CDKAL1: variants seen among roughly 807,000 people sequenced by gnomAD.
CDKAL1 encodes threonylcarbamoyladenosine tRNA methylthiotransferase.
CDKAL1 carries 32 observed loss-of-function variants against 68.2 expected under a neutral mutation model. The observed-to-expected ratio is 0.47, with a 90% CI of 0.35 to 0.63. The LOEUF is 0.63. CDKAL1 is among the 30% of genes least tolerant of loss of function. CDKAL1 has a pLI of 0.00. For synonymous variants in CDKAL1, 234 were observed against 244.3 expected, an observed-to-expected ratio of 0.96 and a Z score of 0.39; for missense variants, 606 against 696.7, an observed-to-expected ratio of 0.87 and a Z score of 1.47.
intron 9 of CDKAL1, among the ~76,000 whole-genome samples, chr6:20,883,324 TAG>T (rs968304699): frequency 1.3e-4 from 20 of 152,206 alleles, no homozygotes; most frequent in African/African-American, 4.6e-4. Context: ...CAAGTGTAAC[TAG>T]TTCCAGGCAG....
chr6:21,088,849 G>A (rs1459513728), intron 12 of CDKAL1, among the ~76,000 whole-genome samples: 1 of 152,144 alleles, frequency 6.6e-6, no homozygotes, highest in Non-Finnish European at 1.5e-5. Context: ...GCCTGAGGTG[G>A]GAGAAGCACT....
chr6:21,070,399 C>CTTTTTT (rs57391327), intron 12 of CDKAL1, among the ~76,000 whole-genome samples: 22,632 of 139,060 alleles, frequency 0.16, 2,232 homozygotes, highest in East Asian at 0.33. Context: ...TTGTTTCTCT[C>CTTTTTT]TTTTTTTTTT....
intron 8 of CDKAL1, among the ~76,000 whole-genome samples, chr6:20,818,198 T>C (rs1288183294): frequency 6.6e-6 from 1 of 152,130 alleles, no homozygotes; most frequent in East Asian, 1.9e-4. Flanking sequence ...TAGATTATGG[T>C]TTTTTGATAA....
At chr6:20,538,688 C>A (rs1763272172) in intron 2 of CDKAL1, among the ~76,000 whole-genome samples, 1 of 152,166 alleles carries the variant, frequency 6.6e-6, no homozygotes, top group Non-Finnish European at 1.5e-5. Context: ...CTTCCGCATT[C>A]CAAAGGCACT....
intron 10 of CDKAL1, among the ~76,000 whole-genome samples, chr6:20,998,545 A>T (rs1767247126): frequency 6.6e-6 from 1 of 151,626 alleles, no homozygotes; most frequent in African/African-American, 2.4e-5. Flanking sequence ...CGGGAGGTGG[A>T]GGTGGCAGTG....
At chr6:20,649,098 C>G (rs1768624490) in intron 4 of CDKAL1, among the ~76,000 whole-genome samples, 195 bp from the exon 5 acceptor site, 1 of 152,190 alleles carries the variant, frequency 6.6e-6, no homozygotes. Context: ...AAAGATATAG[C>G]ATAGATTACA....
intron 13 of CDKAL1, among the ~76,000 whole-genome samples, chr6:21,163,672 C>T (rs1041608341): frequency 9.2e-5 from 14 of 152,076 alleles, no homozygotes; most frequent in Admixed American, 9.2e-4. Flanking sequence ...GTTATCTGGC[C>T]GGGCGCGGTG....
intron 12 of CDKAL1, among the ~76,000 whole-genome samples, chr6:21,103,962 G>C (rs1245788942): frequency 6.6e-6 from 1 of 152,142 alleles, no homozygotes; most frequent in East Asian, 1.9e-4. Flanking sequence ...TGATAGCAAG[G>C]CTCGACAGGT....
chr6:21,126,128 A>C (rs1774999979), intron 13 of CDKAL1, among the ~76,000 whole-genome samples: 1 of 152,208 alleles, frequency 6.6e-6, no homozygotes, highest in Non-Finnish European at 1.5e-5. Flanking sequence ...AGGAAATTAA[A>C]ATCATGTGTG....
intron 12 of CDKAL1, among the ~76,000 whole-genome samples, chr6:21,087,199 A>G (rs1772740484): frequency 6.6e-6 from 1 of 152,234 alleles, no homozygotes; most frequent in African/African-American, 2.4e-5. Context: ...CATTGGAAAT[A>G]GAGTAAGATG....
At chr6:21,049,144 T>C (rs1261517796) in intron 11 of CDKAL1, among the ~76,000 whole-genome samples, 1 of 152,202 alleles carries the variant, frequency 6.6e-6, no homozygotes, top group Non-Finnish European at 1.5e-5. Flanking sequence ...TAATTACTGA[T>C]GCTGAATATA....
intron 5 of CDKAL1, among the ~76,000 whole-genome samples, chr6:20,696,227 C>G (rs1771101009): frequency 6.6e-6 from 1 of 152,210 alleles, no homozygotes; most frequent in Non-Finnish European, 1.5e-5. Flanking sequence ...TTAATAAAGA[C>G]TGATTTTAAG....
In CDKAL1 at chr6:21,100,589, C is replaced by A. The variant is rs145893576; in HGVS notation, c.1237-7812C>A. On this transcript the variant is annotated intron_variant, in intron 12 of 15. Coordinates refer to ENST00000274695, the MANE Select transcript of CDKAL1 (RefSeq NM_017774.3). ...TTCTTTTTCTTTGTTTTCCCTGCCA[C>A]CCTCACAATAATTTCTCACAAAAGA... Among the ~76,000 whole-genome samples, 544 of 152,276 alleles carry A rather than the reference C, an allele frequency of 3.6e-3. 3 individuals carry two copies. The highest frequency in any genetic ancestry group is 5.5e-3 in the Non-Finnish European group (377 of 68,034).
chr6:21,051,845 T>C (rs1353215987), intron 11 of CDKAL1, among the ~76,000 whole-genome samples: 1 of 152,182 alleles, frequency 6.6e-6, no homozygotes, highest in Non-Finnish European at 1.5e-5. Context: ...TATGAATACT[T>C]TTACTATATC....
At chr6:20,992,283 C>G (rs1766870870) in intron 10 of CDKAL1, among the ~76,000 whole-genome samples, 1 of 151,568 alleles carries the variant, frequency 6.6e-6, no homozygotes, top group Non-Finnish European at 1.5e-5. Flanking sequence ...TTTGGCCAGG[C>G]TGGTCTCAAA....
At chr6:20,861,383 C>T (rs910800897) in intron 9 of CDKAL1, among the ~76,000 whole-genome samples, 9 of 152,284 alleles carry the variant, frequency 5.9e-5, no homozygotes, top group African/African-American at 2.2e-4. Context: ...ACTCAGGGTT[C>T]AGAGGCCATG....
chr6:21,218,732 A>G (rs966391901), intron 15 of CDKAL1, among the ~76,000 whole-genome samples: 22 of 152,142 alleles, frequency 1.4e-4, no homozygotes, highest in African/African-American at 4.8e-4. Context: ...GCAAGCAGAG[A>G]GAGAGAGAGA....
intron 9 of CDKAL1, among the ~76,000 whole-genome samples, chr6:20,952,108 G>A (rs1764561125): frequency 6.6e-6 from 1 of 151,578 alleles, no homozygotes; most frequent in South Asian, 2.1e-4. Flanking sequence ...ACAGGCGCCC[G>A]CCACCATGCC....
chr6:21,014,536 GGGAGGC>G lies in CDKAL1; in HGVS notation c.1055+14169_1055+14174del, dbSNP rs1768205119. ...TGAGGCAAGAGAATGGTGTGAACCT[GGGAGGC>G]GGAGCTTGCAATGAGCCAAGATCAC... is the stretch of plus-strand genomic sequence containing the variant. On this transcript the variant is annotated intron_variant, in intron 11 of 15. Coordinates refer to ENST00000274695, the MANE Select transcript of CDKAL1 (RefSeq NM_017774.3). Among the ~76,000 whole-genome samples, 4 of 152,008 alleles carry G rather than the reference GGGAGGC, an allele frequency of 2.6e-5. No homozygotes were observed. In the South Asian group the frequency reaches 8.3e-4, roughly 32 times the overall value.
Sources: gnomAD v4.1 joint callset for allele counts (sites outside exome capture counted in the v4.1 genomes callset) on GRCh38, gnomAD v4.1.1 for gene constraint, MANE v1.5 for transcripts, NCBI Gene and HGNC (gene_info 2026-07-23, HGNC 2026-07-21) for gene names.